Variants in PXK observed in about 807,000 individuals in gnomAD.
The protein encoded by PXK is PX domain-containing protein kinase-like protein.
Under a neutral mutation model 84.7 loss-of-function variants are expected in PXK, and 35 were observed. That is an observed-to-expected ratio of 0.41 (90% CI 0.32 to 0.55). The LOEUF is 0.55. PXK is among the 20% of genes least tolerant of loss of function. PXK has a pLI of 0.21. For missense variants in PXK, 634 were observed against 699.7 expected (o/e 0.91, Z 1.06); for synonymous variants, 253 against 260.8 (o/e 0.97, Z 0.29).
intron 6 of PXK, 36 bp from the exon 7 acceptor site, chr3:58,391,737 A>G (rs540756060): frequency 6.3e-7 from 1 of 1,576,522 alleles, no homozygotes; most frequent in East Asian, 2.2e-5. Context: ...TTTGGTGACC[A>G]AAACAGTACC....
chr3:58,420,314 T>A (rs1438765283), intron 17 of PXK, among the ~76,000 whole-genome samples: 1 of 152,254 alleles, frequency 6.6e-6, no homozygotes, highest in Non-Finnish European at 1.5e-5. Flanking sequence ...AGCGACTCAT[T>A]GGTTATTCTA....
At position 58,333,194 on chromosome 3, in the gene PXK, G is replaced by A. The variant is rs2097526528; in HGVS notation, c.102+104G>A. ...CGGGCAGGGTCGTCGGACGGAGACC[G>A]GGCCACAGGGTGGGCGGCCCTGGCC... On this transcript the variant is annotated intron_variant, in intron 1 of 17. Coordinates refer to ENST00000356151, the MANE Select transcript of PXK (RefSeq NM_017771.5). This position sits in a 1 kb window ranked among gnomAD's most constrained non-coding sequence, Gnocchi z 5.4. 1 of 651,390 alleles carries A rather than the reference G, an allele frequency of 1.5e-6. No individual in the cohort carries two copies. The highest frequency in any genetic ancestry group is 1.9e-6 in the Non-Finnish European group (1 of 520,622). 40.4% of individuals were successfully genotyped at this position (651,390 alleles called of 1,614,324 possible).
chr3:58,378,486 T>TTTCTTC lies in PXK; in HGVS notation c.202-4025_202-4020dup, dbSNP rs1332524021. Among the ~76,000 whole-genome samples the TTTCTTC allele has an allele frequency of 5.8e-4, 34 of 58,970 alleles. 4 individuals carry two copies. Among genetic ancestry groups the TTTCTTC allele is most frequent in the African/African-American group, 1.6e-3 (32 of 20,246 alleles). 38.7% of individuals were successfully genotyped at this position (58,970 alleles called of 152,430 possible). On this transcript the variant is annotated intron_variant, in intron 3 of 17. Coordinates refer to ENST00000356151, the MANE Select transcript of PXK (RefSeq NM_017771.5). The stretch of plus-strand genomic sequence containing the variant: ...GTTTTCATTGGATTTGGACTTCATT[T>TTTCTTC]TTCTTCTTTTTTTTTTTTTTTTTTT...
rs2062653772 is a variant in PXK, at chr3:58,425,116, A to C, written c.*156A>C. On this transcript the variant is annotated 3_prime_UTR_variant, in exon 18 of 18. Transcript: ENST00000356151. ...CTCATGTAAGCAGCTTTTCGAGAGA[A>C]ATAATTCTTTAAGCAGAATAAAGTT... 1.8e-6 allele frequency: 2 copies of C among 1,140,554 alleles called. No homozygotes were observed. Among genetic ancestry groups the C allele is most frequent in the Non-Finnish European group, 2.4e-6 (2 of 818,680 alleles). The allele number at this position is 1,140,554 out of a possible 1,614,324, so 70.7% of individuals were successfully genotyped here. A position where few individuals can be genotyped will look rare whatever the true frequency, so the allele number is the denominator to read the frequency against.
intron 4 of PXK, among the ~76,000 whole-genome samples, chr3:58,389,546 C>T (rs886276519): frequency 2.6e-5 from 4 of 152,100 alleles, no homozygotes; most frequent in East Asian, 3.9e-4. Flanking sequence ...CAGTGGGCTG[C>T]GTGCAGTGGT....
chr3:58,380,292 G>A (rs2098485430), intron 3 of PXK, among the ~76,000 whole-genome samples: 1 of 152,078 alleles, frequency 6.6e-6, no homozygotes, highest in South Asian at 2.1e-4. Context: ...GATTAGCTGT[G>A]TGTGGTGGCG....
intron 1 of PXK, among the ~76,000 whole-genome samples, chr3:58,346,780 C>G (rs1436889712): frequency 6.9e-6 from 1 of 145,910 alleles, no homozygotes; most frequent in African/African-American, 2.5e-5. Flanking sequence ...ACTTCAGCCT[C>G]CTGAGTAACT....
chr3:58,409,695 C>A lies in PXK; in HGVS notation c.1395+77C>A. 8.8e-7 allele frequency: 1 copy of A among 1,137,634 alleles called. No individual in the cohort carries two copies. Among genetic ancestry groups the A allele is most frequent in the South Asian group, 1.4e-5 (1 of 69,106 alleles). 70.5% of individuals were successfully genotyped at this position (1,137,634 alleles called of 1,614,324 possible). On this transcript the variant is annotated intron_variant, in intron 15 of 17. Coordinates refer to ENST00000356151, the MANE Select transcript of PXK (RefSeq NM_017771.5). The surrounding 1 kb of genome is among the most constrained non-coding windows in gnomAD (Gnocchi z 4.2). Reference sequence around the variant, plus strand: ...AAGAAAGTTCTAGGTTAATGGTGCCCATTTAATGACAGATGCTGTGCTATA... The same window carrying A: ...AAGAAAGTTCTAGGTTAATGGTGCCAATTTAATGACAGATGCTGTGCTATA...
rs149799934 is a variant in PXK at position 58,370,622 on chromosome 3, A to G, written c.201+1144A>G. Among the ~76,000 whole-genome samples the G allele has an allele frequency of 1.9e-3, 292 of 152,326 alleles. 3 individuals are homozygous for G. Among genetic ancestry groups the G allele is most frequent in the African/African-American group, 6.9e-3 (285 of 41,588 alleles). ...GAGGGACCTCTGATCTTGCCCATAA[A>G]GGTCAGGAGGACTGTGCACTAGGAG... On this transcript the variant is annotated intron_variant, in intron 3 of 17. Transcript: ENST00000356151. This position sits in a 1 kb window ranked among gnomAD's most constrained non-coding sequence, Gnocchi z 4.2.
At position 58,412,144 on chromosome 3, in the gene PXK, G is replaced by A. The variant is rs1209645095; in HGVS notation, c.1466-757G>A. Among the ~76,000 whole-genome samples the A allele has an allele frequency of 2.0e-5, 3 of 152,096 alleles. 1 individual carries two copies. The highest frequency in any genetic ancestry group is 4.1e-4 in the South Asian group (2 of 4,822). On this transcript the variant is annotated intron_variant, in intron 16 of 17. Transcript: ENST00000356151. This position sits in a 1 kb window ranked among gnomAD's most constrained non-coding sequence, Gnocchi z 6.2. The stretch of plus-strand genomic sequence containing the variant: ...ACCTCTCCATAGGATCTCTATGTGT[G>A]GGAGGGGGGTTTCTGTGTCCACAGA...
intron 4 of PXK, 69 bp downstream of exon 4, chr3:58,382,769 T>A (rs971705394): frequency 2.0e-5 from 24 of 1,178,074 alleles, no homozygotes; most frequent in Middle Eastern, 2.1e-4. Context: ...GGAGATAACG[T>A]ATGTGGGAGA....
At chr3:58,380,828 G>A (rs748138234) in intron 3 of PXK, among the ~76,000 whole-genome samples, 3 of 152,120 alleles carry the variant, frequency 2.0e-5, no homozygotes, top group Non-Finnish European at 4.4e-5. Flanking sequence ...ATAAAATTCT[G>A]AAGAAAATGT....
chr3:58,424,764 T>C lies in PXK; in HGVS notation c.1541T>C (p.Leu514Ser). ...TPPSTSGISALPPPPPPPPPP... is the reference protein window; with the variant it reads ...TPPSTSGISASPPPPPPPPPP... ...TTTTCCTCCACAGGGATATCTGCATTACCTCCACCTCCTCCACCTCCACCA... is the reference window on the plus strand; with the variant it reads ...TTTTCCTCCACAGGGATATCTGCATCACCTCCACCTCCTCCACCTCCACCA... Residue 514 changes from leucine (L) to serine (S), a missense_variant, in exon 18 of 18, where the codon TTA (leucine) becomes TCA (serine). By Grantham distance (145) the Leu-to-Ser change is moderately radical (BLOSUM62 -2). Transcript: ENST00000356151. 6.2e-7 allele frequency: 1 copy of C among 1,613,640 alleles called. No homozygotes were observed.
At chr3:58,378,508 T>TGTGTGTGTGTGTG (rs1478546551) in intron 3 of PXK, among the ~76,000 whole-genome samples, 3 of 28,542 alleles carry the variant, frequency 1.1e-4, no homozygotes, top group Admixed American at 3.8e-4. Flanking sequence ...TTTTTTTTTT[T>TGTGTGTGTGTGTG]TTTTTGTGTG....
chr3:58,378,813 G>A (rs1576303407), intron 3 of PXK, among the ~76,000 whole-genome samples: 1 of 152,058 alleles, frequency 6.6e-6, no homozygotes, highest in South Asian at 2.1e-4. Flanking sequence ...TGGGATTACA[G>A]GCGTGAGCCA....
chr3:58,348,971 G>T lies in PXK; in HGVS notation c.102+15881G>T, dbSNP rs141862716. On this transcript the variant is annotated intron_variant, in intron 1 of 17. Transcript: ENST00000356151. ...TTGTCATAAAAGTATTTGAAATCTG[G>T]TGTGTATTTTACAATTACAGCATAT... is the stretch of plus-strand genomic sequence containing the variant. Among the ~76,000 whole-genome samples the T allele has an allele frequency of 3.0e-3, 463 of 152,012 alleles. 8 individuals are homozygous for T. The highest frequency in any genetic ancestry group is 0.028 in the Admixed American group (428 of 15,242).
chr3:58,344,510 G>A (rs1023395534), intron 1 of PXK, among the ~76,000 whole-genome samples: 1 of 152,138 alleles, frequency 6.6e-6, no homozygotes, highest in Non-Finnish European at 1.5e-5. Context: ...CTGGCTATTG[G>A]TGTTCAGTGG....
rs180878988 is a variant in PXK, at chr3:58,364,898, T to G, written c.103-976T>G. On this transcript the variant is annotated intron_variant, in intron 1 of 17. Coordinates refer to ENST00000356151, the MANE Select transcript of PXK (RefSeq NM_017771.5). The surrounding 1 kb of genome is among the most constrained non-coding windows in gnomAD (Gnocchi z 4.3). Reference sequence around the variant, plus strand: ...CTGTAGTGGTATCCTAATTCATTCTTGATATTAATAATACATGTCTTATCT... The same window carrying G: ...CTGTAGTGGTATCCTAATTCATTCTGGATATTAATAATACATGTCTTATCT... Among the ~76,000 whole-genome samples the G allele has an allele frequency of 1.6e-3, 250 of 152,274 alleles. No homozygotes were observed. The highest frequency in any genetic ancestry group is 5.7e-3 in the African/African-American group (236 of 41,548).
rs995889497 is a variant in PXK at position 58,421,594 on chromosome 3, T to G, written c.1529-3158T>G. ...GACTCCATCTCAGAAAAAAAGGAAC[T>G]GGAGGGAGGGACCCTCAGACATCCT... On this transcript the variant is annotated intron_variant, in intron 17 of 17. Coordinates refer to ENST00000356151, the MANE Select transcript of PXK (RefSeq NM_017771.5). The surrounding 1 kb of genome is among the most constrained non-coding windows in gnomAD (Gnocchi z 5.5). 29 of 988,020 alleles carry G rather than the reference T, an allele frequency of 2.9e-5. 1 individual carries two copies. Among genetic ancestry groups the G allele is most frequent in the African/African-American group, 3.5e-5 (2 of 57,262 alleles). The allele number at this position is 988,020 out of a possible 1,614,324, so 61.2% of individuals were successfully genotyped here. A position where few individuals can be genotyped will look rare whatever the true frequency, so the allele number is the denominator to read the frequency against.
Sources: gnomAD v4.1 joint callset for allele counts (sites outside exome capture counted in the v4.1 genomes callset) on GRCh38, gnomAD v4.1.1 for gene constraint, Gnocchi (gnomAD v3.1) non-coding constraint, MANE v1.5 for transcripts, NCBI Gene and HGNC (gene_info 2026-07-23, HGNC 2026-07-21) for gene names.